Variants in FGF1 observed in about 807,000 individuals in gnomAD.
FGF1 encodes beta-endothelial cell growth factor.
Under a neutral mutation model 13.4 loss-of-function variants are expected in FGF1, and 9 were observed. The ratio of observed to expected loss-of-function variants is 0.67; its 90% CI spans 0.40 to 1.17. The LOEUF is 1.17. Ranked by LOEUF, FGF1 falls within the 50% of genes most tolerant of loss-of-function variation. The pLI, the probability that FGF1 is intolerant of heterozygous loss-of-function variation, is 0.01. For synonymous variants in FGF1, 93 were observed against 79.0 expected, an observed-to-expected ratio of 1.18 and a Z score of -0.94; for missense variants, 156 against 192.7, an observed-to-expected ratio of 0.81 and a Z score of 1.13.
At chr5:142,605,232 A>C (rs1042428172) in intron 2 of FGF1, among the ~76,000 whole-genome samples, 5 of 150,158 alleles carry the variant, frequency 3.3e-5, no homozygotes, top group Admixed American at 2.6e-4. Flanking sequence ...TCAGCTTCCC[A>C]GGTAGCTGGG....
chr5:142,647,423 T>G (rs2151965727), intron 1 of FGF1, among the ~76,000 whole-genome samples: 1 of 152,334 alleles, frequency 6.6e-6, no homozygotes, highest in South Asian at 2.1e-4. Flanking sequence ...ACCCAAGTTC[T>G]CACCACCGCG....
intron 1 of FGF1, among the ~76,000 whole-genome samples, chr5:142,657,976 C>A (rs144938017): frequency 6.6e-4 from 101 of 152,280 alleles, no homozygotes; most frequent in Middle Eastern, 3.4e-3. Context: ...CCCAGGACTC[C>A]CAAATCCTGC....
At chr5:142,609,645 A>G (rs962212644) in intron 2 of FGF1, among the ~76,000 whole-genome samples, 1 of 152,228 alleles carries the variant, frequency 6.6e-6, no homozygotes, top group African/African-American at 2.4e-5. Flanking sequence ...GCGAGCAAGC[A>G]TAGCATTCAC....
chr5:142,645,051 G>A (rs758255805), intron 1 of FGF1, among the ~76,000 whole-genome samples: 15 of 151,356 alleles, frequency 9.9e-5, no homozygotes, highest in South Asian at 2.1e-4. Flanking sequence ...TGTGGGCAGC[G>A]TCTTGAAATG....
exon 1 of FGF1, chr5:142,698,011 G>A (rs889518608): frequency 6.6e-6 from 1 of 152,196 alleles, no homozygotes; most frequent in African/African-American, 2.4e-5. Flanking sequence ...AGCTGACACT[G>A]GTATGCCCAC....
At chr5:142,678,472 G>A (rs148278996) in intron 1 of FGF1, among the ~76,000 whole-genome samples, 3 of 152,252 alleles carry the variant, frequency 2.0e-5, no homozygotes, top group Admixed American at 6.5e-5. Flanking sequence ...TCCCTCACCC[G>A]CAGCACCCAC....
intron 3 of FGF1, among the ~76,000 whole-genome samples, chr5:142,599,751 C>A (rs776603161): frequency 6.6e-6 from 1 of 152,180 alleles, no homozygotes; most frequent in Non-Finnish European, 1.5e-5. Context: ...CATGGTCAAA[C>A]CTGTATAAAG....
chr5:142,601,080 G>T, intron 2 of FGF1: 1 of 588,312 alleles, frequency 1.7e-6, no homozygotes, highest in East Asian at 4.0e-5. Context: ...AAATGACCCT[G>T]AGTGCACCTT....
intron 1 of FGF1, among the ~76,000 whole-genome samples, chr5:142,638,691 C>T (rs1275883917): frequency 6.6e-6 from 1 of 151,998 alleles, no homozygotes; most frequent in Non-Finnish European, 1.5e-5. Flanking sequence ...AATGGAATTG[C>T]ATCAAACTAA....
chr5:142,686,280 C>A (rs780065288), upstream of FGF1: 1 of 152,260 alleles, frequency 6.6e-6, no homozygotes, highest in African/African-American at 2.4e-5. Flanking sequence ...GTAGAGGGGA[C>A]CTGCCTTTAG....
intron 1 of FGF1, among the ~76,000 whole-genome samples, chr5:142,662,766 C>G (rs1769497292): frequency 6.6e-6 from 1 of 152,120 alleles, no homozygotes. Context: ...ACTTTTCATA[C>G]TTTGATTAAA....
intron 2 of FGF1, among the ~76,000 whole-genome samples, chr5:142,694,194 C>A (rs974812519): frequency 7.1e-6 from 1 of 140,066 alleles, no homozygotes. Context: ...ACCATCATAA[C>A]CTCATGGAGA....
At chr5:142,633,383 C>T (rs1454002519) in intron 1 of FGF1, among the ~76,000 whole-genome samples, 1 of 152,132 alleles carries the variant, frequency 6.6e-6, no homozygotes, top group African/African-American at 2.4e-5. Flanking sequence ...CATTTTTATT[C>T]CTTGACTTCT....
intron 1 of FGF1, among the ~76,000 whole-genome samples, chr5:142,661,392 G>A (rs989856670): frequency 2.0e-5 from 3 of 152,204 alleles, no homozygotes; most frequent in African/African-American, 7.2e-5. Flanking sequence ...CACTGCTGGT[G>A]GGAATGTAAA....
At chr5:142,666,027 C>T (rs1399702861) in intron 1 of FGF1, among the ~76,000 whole-genome samples, 4 of 152,150 alleles carry the variant, frequency 2.6e-5, no homozygotes, top group Admixed American at 2.0e-4. Context: ...CTCCACCACC[C>T]AGGGTCAGGA....
chr5:142,687,895 C>T (rs17223100), upstream of FGF1, among the ~76,000 whole-genome samples: 29,250 of 152,130 alleles, frequency 0.19, 3,284 homozygotes, highest in Non-Finnish European at 0.25. Context: ...CCCAAGGGCT[C>T]CAGATTCCCC....
intron 1 of FGF1, among the ~76,000 whole-genome samples, chr5:142,658,540 C>G (rs1345197420): frequency 2.6e-5 from 4 of 152,146 alleles, no homozygotes; most frequent in East Asian, 3.8e-4. Context: ...TTGGAGATAC[C>G]TTTGTGAATA....
intron 1 of FGF1, among the ~76,000 whole-genome samples, chr5:142,646,989 G>C (rs1342772597): frequency 6.6e-6 from 1 of 152,184 alleles, no homozygotes; most frequent in African/African-American, 2.4e-5. Flanking sequence ...AACGATCAGG[G>C]CTCAACACCA....
In FGF1 at chr5:142,613,325, C is replaced by G. The variant is rs1024382834; in HGVS notation, c.169+634G>C. Among the ~76,000 whole-genome samples the G allele has an allele frequency of 3.3e-5, 5 of 152,210 alleles. No individual in the cohort carries two copies. The South Asian group carries it at 1.0e-3, about 32-fold the overall frequency. ...GTCAACACCTCTGAGAACCGGGCTGCCAGGAAGTCCTGGAAGAGATATTCA... is the reference window on the plus strand; with the variant it reads ...GTCAACACCTCTGAGAACCGGGCTGGCAGGAAGTCCTGGAAGAGATATTCA... On this transcript the variant is annotated intron_variant, in intron 2 of 3. Transcript: ENST00000337706.
Sources: gnomAD v4.1 joint callset for allele counts (sites outside exome capture counted in the v4.1 genomes callset) on GRCh38, gnomAD v4.1.1 for gene constraint, MANE v1.5 for transcripts, NCBI Gene and HGNC (gene_info 2026-07-23, HGNC 2026-07-21) for gene names.